Variants in HEG1 observed in about 807,000 individuals in gnomAD.
HEG1 encodes heart development protein with EGF like domains 1.
A neutral mutation model predicts 125.6 loss-of-function variants in HEG1; 56 were observed. The observed-to-expected ratio is 0.45, with a 90% CI of 0.36 to 0.56. The LOEUF (loss-of-function observed/expected upper bound fraction) is 0.56. Among genes scored for constraint, HEG1 ranks in the 20% least tolerant of loss-of-function variants. The pLI, the probability that HEG1 is intolerant of heterozygous loss-of-function variation, is 0.00. For missense variants in HEG1, 1,523 were observed against 1,670.0 expected (o/e 0.91, Z 1.53); for synonymous variants, 644 against 668.5 (o/e 0.96, Z 0.57).
rs2107685819 is a variant in HEG1, at chr3:124,973,743, A to C, written c.3984T>G (p.Asp1328Glu). The change falls in exon 16 of 17, where the codon GAT (aspartate) becomes GAG (glutamate). Residue 1328 changes from aspartate to glutamate, a missense_variant. Asp to Glu is a conservative substitution (Grantham distance 45). Transcript: ENST00000311127. The stretch of plus-strand genomic sequence containing the variant: ...CAGGAATACACACCGAGTAGTACAC[A>C]TCCGTCATCTGGAGGAGGTTTTTGG... ...GSTKNLLQMTDVYYSPTSVRN... is the reference protein window; with the variant it reads ...GSTKNLLQMTEVYYSPTSVRN... 2 of 1,613,762 alleles carry C rather than the reference A, an allele frequency of 1.2e-6. No homozygotes were observed. Among genetic ancestry groups the C allele is most frequent in the Non-Finnish European group, 1.7e-6 (2 of 1,179,796 alleles).
chr3:125,040,075 G>A (rs760912912), intron 1 of HEG1, among the ~76,000 whole-genome samples: 1 of 152,204 alleles, frequency 6.6e-6, no homozygotes, highest in African/African-American at 2.4e-5. Context: ...ATAACGAAAA[G>A]AATAAGAGAG....
chr3:124,976,929 C>A (rs2107686864), intron 15 of HEG1, among the ~76,000 whole-genome samples: 1 of 152,306 alleles, frequency 6.6e-6, no homozygotes, highest in East Asian at 1.9e-4. Flanking sequence ...GCCAAATAAA[C>A]CTTTTTCTTT....
Position 125,001,885 on chromosome 3 carries a change from G to C in HEG1, c.3484C>G (p.Gln1162Glu), listed in dbSNP as rs1937005121. ...NSCKSSAEVCQLLGSQRRIFR... is the reference protein window; with the variant it reads ...NSCKSSAEVCELLGSQRRIFR... ...ATCCGCCTCTGAGATCCCAAGAGCT[G>C]GCAGACCTCAGCAGAGGACTTGCAG... Residue 1162 changes from glutamine to glutamate, a missense_variant, in exon 11 of 17, where the codon CAG (glutamine) becomes GAG (glutamate). By Grantham distance (29) the Gln-to-Glu change is conservative. Coordinates refer to ENST00000311127, the MANE Select transcript of HEG1 (RefSeq NM_020733.2). 1 of 1,613,652 alleles carries C rather than the reference G, an allele frequency of 6.2e-7. No homozygotes were observed. The highest frequency in any genetic ancestry group is 1.3e-5 in the African/African-American group (1 of 75,052).
chr3:125,002,970 G>A (rs928349207), intron 9 of HEG1, among the ~76,000 whole-genome samples: 3 of 152,190 alleles, frequency 2.0e-5, no homozygotes, highest in Non-Finnish European at 4.4e-5. Context: ...CTTTCCCGGA[G>A]TGGAGGGTCT....
intron 14 of HEG1, among the ~76,000 whole-genome samples, chr3:124,982,407 A>G (rs993304180): frequency 6.6e-6 from 1 of 152,198 alleles, no homozygotes; most frequent in African/African-American, 2.4e-5. Context: ...GGTGCTCTGA[A>G]TATTTAGGTG....
At position 125,055,616 on chromosome 3, in the gene HEG1, T is replaced by C. The variant is rs2107717219; in HGVS notation, c.275A>G (p.Gln92Arg). The change falls in exon 1 of 17, where the codon CAG becomes CGG. Residue 92 changes from glutamine (Q) to arginine (R), a missense_variant. Coordinates refer to ENST00000311127, the MANE Select transcript of HEG1 (RefSeq NM_020733.2). ...GGGGGCCCGGCCGGAGGGTCCCCGC[T>C]GTGTCGCGGCGCCTGGCTCAGGGGC... The part of the protein sequence containing the change: ...YRAPEPGAAT[Q>R]RGPSGRAPRG... 4.2e-6 allele frequency: 5 copies of C among 1,204,300 alleles called. No homozygotes were observed. In the South Asian group the frequency reaches 1.7e-4, roughly 40 times the overall value. The allele number at this position is 1,204,300 out of a possible 1,614,324, so 74.6% of individuals were successfully genotyped here.
At chr3:124,989,778 C>T (rs909022582) in intron 14 of HEG1, among the ~76,000 whole-genome samples, 5 of 152,186 alleles carry the variant, frequency 3.3e-5, no homozygotes, top group Admixed American at 3.3e-4. Context: ...TCTCCTCTGT[C>T]CAGTCTGTTC....
At chr3:124,970,972 C>A in intron 16 of HEG1, 171 bp from the exon 17 acceptor site, 1 of 655,934 alleles carries the variant, frequency 1.5e-6, no homozygotes, top group South Asian at 1.8e-5. Flanking sequence ...CTCTCTGGAG[C>A]ACAACCCACT....
At chr3:125,042,195 A>G (rs1937598824) in intron 1 of HEG1, among the ~76,000 whole-genome samples, 1 of 152,226 alleles carries the variant, frequency 6.6e-6, no homozygotes, top group Admixed American at 6.5e-5. Context: ...TGGGAGGCCG[A>G]GGCGGGTGGA....
intron 1 of HEG1, among the ~76,000 whole-genome samples, chr3:125,049,187 C>A (rs1311980333): frequency 1.3e-5 from 2 of 152,212 alleles, no homozygotes; most frequent in Non-Finnish European, 2.9e-5. Flanking sequence ...TCCCCAGTCT[C>A]CCTCTGCCTT....
Position 124,970,290 on chromosome 3 carries a change from C to G in HEG1, c.*362G>C. Reference sequence around the variant, plus strand: ...TCAAAACAGATCCAAAAGGAAACCTCCCACCCAATTTACTAAAGTGCAAAC... The same window carrying G: ...TCAAAACAGATCCAAAAGGAAACCTGCCACCCAATTTACTAAAGTGCAAAC... On this transcript the variant is annotated 3_prime_UTR_variant, in exon 17 of 17. Transcript: ENST00000311127. 5.5e-6 allele frequency: 1 copy of G among 183,428 alleles called. No homozygotes were observed. Among genetic ancestry groups the G allele is most frequent in the Admixed American group, 5.8e-5 (1 of 17,172 alleles). 11.4% of individuals were successfully genotyped at this position (183,428 alleles called of 1,614,324 possible). A position where few individuals can be genotyped will look rare whatever the true frequency, so the allele number is the denominator to read the frequency against.
intron 1 of HEG1, among the ~76,000 whole-genome samples, chr3:125,046,904 C>A (rs973743652): frequency 6.6e-6 from 1 of 152,228 alleles, no homozygotes; most frequent in Non-Finnish European, 1.5e-5. Flanking sequence ...CCAAGTGTGA[C>A]TGATTTTCAA....
At position 125,013,575 on chromosome 3, in the gene HEG1, A is replaced by AGAAGAGGAGGAGGAAGAG; in HGVS notation, c.2003_2004insCTCTTCCTCCTCCTCTTC (p.Ser667_Ser672dup). On this transcript the variant is annotated inframe_insertion, in exon 6 of 17. Transcript: ENST00000311127. Reference sequence around the variant, plus strand: ...GCAAAGGAGGCCCTGAAGAAGAAGAAGAGGAGGAGGAGGAAGAGGAGGAGG... The same window carrying AGAAGAGGAGGAGGAAGAG: ...GCAAAGGAGGCCCTGAAGAAGAAGAAGAAGAGGAGGAGGAAGAGGAGGAGGAGGAGGAAGAGGAGGAGG... The AGAAGAGGAGGAGGAAGAG allele has an allele frequency of 1.3e-6, 2 of 1,577,716 alleles. No individual in the cohort carries two copies. Among genetic ancestry groups the AGAAGAGGAGGAGGAAGAG allele is most frequent in the Admixed American group, 1.9e-5 (1 of 52,602 alleles).
intron 3 of HEG1, among the ~76,000 whole-genome samples, chr3:125,026,090 A>G (rs1349424898): frequency 6.6e-6 from 1 of 152,074 alleles, no homozygotes; most frequent in East Asian, 1.9e-4. Flanking sequence ...AACATTTCCA[A>G]CCCTCTCTGT....
At chr3:125,008,343 T>C (rs542004254) in intron 8 of HEG1, among the ~76,000 whole-genome samples, 1 of 152,350 alleles carries the variant, frequency 6.6e-6, no homozygotes, top group Non-Finnish European at 1.5e-5. Flanking sequence ...GGGTACTTCT[T>C]AAAAATTCTC....
intron 12 of HEG1, among the ~76,000 whole-genome samples, chr3:124,993,910 G>A (rs557965248): frequency 1.3e-4 from 20 of 152,218 alleles, no homozygotes; most frequent in Admixed American, 2.6e-4. Flanking sequence ...GGCTCATTCC[G>A]TTACGCATCA....
intron 5 of HEG1, among the ~76,000 whole-genome samples, chr3:125,016,058 G>A (rs894175817): frequency 6.6e-6 from 1 of 152,224 alleles, no homozygotes; most frequent in African/African-American, 2.4e-5. Context: ...GAGCCAACCA[G>A]GAGAGGCGCA....
chr3:124,999,761 CT>C (rs1409591746), intron 11 of HEG1, among the ~76,000 whole-genome samples: 2 of 152,226 alleles, frequency 1.3e-5, no homozygotes, highest in African/African-American at 4.8e-5. Flanking sequence ...TGTGATTTTG[CT>C]ACATTCACAA....
intron 1 of HEG1, 61 bp downstream of exon 1, chr3:125,055,514 G>A (rs1280028669): frequency 2.7e-6 from 3 of 1,092,528 alleles, no homozygotes; most frequent in South Asian, 4.6e-5. Context: ...GATGCAGCCC[G>A]GGGCGCGCCC....
Sources: gnomAD v4.1 joint callset for allele counts (sites outside exome capture counted in the v4.1 genomes callset) on GRCh38, gnomAD v4.1.1 for gene constraint, MANE v1.5 for transcripts, NCBI Gene and HGNC (gene_info 2026-07-23, HGNC 2026-07-21) for gene names.